The following RASL11B variants were observed in gnomAD, a reference collection of about 807,000 sequenced individuals.
The protein encoded by RASL11B is RAS like family 11 member B.
A neutral mutation model predicts 22.9 loss-of-function variants in RASL11B; 14 were observed. The ratio of observed to expected loss-of-function variants is 0.61; its 90% CI spans 0.40 to 0.96. The LOEUF is 0.96. Ranked by LOEUF, RASL11B falls within the 40% of genes least tolerant of loss-of-function variation. The pLI is 0.00. For synonymous variants in RASL11B, 143 were observed against 130.2 expected, an observed-to-expected ratio of 1.10 and a Z score of -0.67; for missense variants, 261 against 322.0, an observed-to-expected ratio of 0.81 and a Z score of 1.45.
chr4:52,862,352 G>C lies in RASL11B; in HGVS notation c.-156G>C, dbSNP rs971096155. On this transcript the variant is annotated 5_prime_UTR_variant, in exon 1 of 4. Coordinates refer to ENST00000248706, the MANE Select transcript of RASL11B (RefSeq NM_023940.3). Reference sequence around the variant, plus strand: ...TGGAGCCTGAGCCCTGCGGAACCTCGGCGCTCGGCCCCACCCCGCCCGTAC... The same window carrying C: ...TGGAGCCTGAGCCCTGCGGAACCTCCGCGCTCGGCCCCACCCCGCCCGTAC... 1.4e-6 allele frequency: 1 copy of C among 719,580 alleles called. No individual in the cohort carries two copies. Among genetic ancestry groups the C allele is most frequent in the Non-Finnish European group, 2.1e-6 (1 of 477,034 alleles). 44.6% of individuals were successfully genotyped at this position (719,580 alleles called of 1,614,324 possible).
Position 52,862,406 on chromosome 4 carries a change from A to T in RASL11B, c.-102A>T, listed in dbSNP as rs1577781944. 5.3e-6 allele frequency: 5 copies of T among 935,050 alleles called. No individual in the cohort carries two copies. Among genetic ancestry groups the T allele is most frequent in the Non-Finnish European group, 5.7e-6 (4 of 701,678 alleles). The allele number at this position is 935,050 out of a possible 1,614,324, so 57.9% of individuals were successfully genotyped here. A position where few individuals can be genotyped will look rare whatever the true frequency, so the allele number is the denominator to read the frequency against. On this transcript the variant is annotated 5_prime_UTR_variant, in exon 1 of 4. Coordinates refer to ENST00000248706, the MANE Select transcript of RASL11B (RefSeq NM_023940.3). ...CACTTATTTATTGTTGTTATTTCTT[A>T]CCGCGGAGCCCCGCAGTCGGGTCCT...
In RASL11B at chr4:52,862,600, C is replaced by T; in HGVS notation, c.93C>T (p.Arg31=). 6.3e-7 allele frequency: 1 copy of T among 1,598,756 alleles called. No homozygotes were observed. Among genetic ancestry groups the T allele is most frequent in the Non-Finnish European group, 8.5e-7 (1 of 1,176,314 alleles). The part of the protein sequence containing the change: ...ASDCCVGAAG[R]RLVKIAVVGA... The stretch of plus-strand genomic sequence containing the variant: ...ACTGCTGTGTGGGCGCCGCCGGCCG[C>T]CGCCTGGTCAAGATCGCCGTGGTGG... Residue 31 remains arginine (R), a synonymous_variant, in exon 1 of 4, where the codon CGC becomes CGT. Coordinates refer to ENST00000248706, the MANE Select transcript of RASL11B (RefSeq NM_023940.3).
Position 52,862,753 on chromosome 4 carries a change from C to T in RASL11B, c.142+104C>T. 9 of 1,322,538 alleles carry T rather than the reference C, an allele frequency of 6.8e-6. No homozygotes were observed. In the South Asian group the frequency reaches 1.2e-4, roughly 18 times the overall value. The allele number at this position is 1,322,538 out of a possible 1,614,324, so 81.9% of individuals were successfully genotyped here. Reference sequence around the variant, plus strand: ...CGGTGGGAGCTGCAGCCCGACCGCTCTCCGTCCCCGCGCAGGGAGCCGCTG... The same window carrying T: ...CGGTGGGAGCTGCAGCCCGACCGCTTTCCGTCCCCGCGCAGGGAGCCGCTG... On this transcript the variant is annotated intron_variant, in intron 1 of 3. Coordinates refer to ENST00000248706, the MANE Select transcript of RASL11B (RefSeq NM_023940.3).
chr4:52,865,481 G>T lies in RASL11B; in HGVS notation c.423G>T (p.Leu141=), dbSNP rs1718239350. 3.1e-6 allele frequency: 5 copies of T among 1,614,054 alleles called. No homozygotes were observed. The South Asian group carries it at 4.4e-5, about 14-fold the overall frequency. Residue 141 remains leucine, a synonymous_variant, in exon 4 of 4, where the codon CTG becomes CTT. Transcript: ENST00000248706. ...QLHQHVQQLH[L]GTRLPVVVVA... Reference sequence around the variant, plus strand: ...ACCAGCACGTGCAGCAGCTACACCTGGGCACCCGGCTGCCTGTGGTGGTCG... The same window carrying T: ...ACCAGCACGTGCAGCAGCTACACCTTGGCACCCGGCTGCCTGTGGTGGTCG...
In RASL11B at chr4:52,866,057, T is replaced by G; in HGVS notation, c.*252T>G. ...TGAAATGTACTCTGTGTCTTTTCCTTTAGAGTGGGGAGGGGGCATAATCGT... is the reference window on the plus strand; with the variant it reads ...TGAAATGTACTCTGTGTCTTTTCCTGTAGAGTGGGGAGGGGGCATAATCGT... On this transcript the variant is annotated 3_prime_UTR_variant, in exon 4 of 4. Coordinates refer to ENST00000248706, the MANE Select transcript of RASL11B (RefSeq NM_023940.3). The G allele has an allele frequency of 1.9e-6, 1 of 514,752 alleles. No homozygotes were observed. Among genetic ancestry groups the G allele is most frequent in the African/African-American group, 1.9e-5 (1 of 52,762 alleles). 31.9% of individuals were successfully genotyped at this position (514,752 alleles called of 1,614,324 possible).
rs1718221645 is a variant in RASL11B, at chr4:52,864,463, T to C, written c.200-15T>C. On this transcript the variant is annotated splice_polypyrimidine_tract_variant and intron_variant, in intron 2 of 3. Transcript: ENST00000248706. ...CAAGAAGGAAGAACATAATCTCTTT[T>C]ATTTGCCTTCATAGGTAATCTCTAT... 6.6e-7 allele frequency: 1 copy of C among 1,523,194 alleles called. No individual in the cohort carries two copies. Among genetic ancestry groups the C allele is most frequent in the Non-Finnish European group, 9.1e-7 (1 of 1,099,514 alleles). 94.4% of individuals were successfully genotyped at this position (1,523,194 alleles called of 1,614,324 possible).
rs1718236003 is a variant in RASL11B, at chr4:52,865,354, G to A, written c.296G>A (p.Ser99Asn). 1 of 1,610,490 alleles carries A rather than the reference G, an allele frequency of 6.2e-7. No homozygotes were observed. The highest frequency in any genetic ancestry group is 8.5e-7 in the Non-Finnish European group (1 of 1,177,048). Reference sequence around the variant, plus strand: ...TTTCAGGTCCATGAGAACAGCCTGAGCTGCAGTGAACAGCTGAATAGGTGC... The same window carrying A: ...TTTCAGGTCCATGAGAACAGCCTGAACTGCAGTGAACAGCTGAATAGGTGC... ...PGIQVHENSL[S>N]CSEQLNRCIR... The change falls in exon 4 of 4, where the codon AGC becomes AAC. Residue 99 changes from serine (S) to asparagine (N), a missense_variant. Coordinates refer to ENST00000248706, the MANE Select transcript of RASL11B (RefSeq NM_023940.3).
chr4:52,862,745 C>T (rs1442321595), intron 1 of RASL11B, 96 bp downstream of exon 1: 2 of 1,360,974 alleles, frequency 1.5e-6, no homozygotes, highest in Non-Finnish European at 1.9e-6. Context: ...AGCTGCAGCC[C>T]GACCGCTCTC....
At position 52,862,690 on chromosome 4, in the gene RASL11B, C is replaced by T. The variant is rs183109559; in HGVS notation, c.142+41C>T. 75 of 1,499,128 alleles carry T rather than the reference C, an allele frequency of 5.0e-5. No individual in the cohort carries two copies. The Admixed American group carries it at 1.6e-3, about 31-fold the overall frequency. The allele number at this position is 1,499,128 out of a possible 1,614,324, so 92.9% of individuals were successfully genotyped here. ...TAGCCCTGGGTCTGGTCTTGGACGA[C>T]CCCTGACGGGAGTTGAGGCTGAACA... is the stretch of plus-strand genomic sequence containing the variant. On this transcript the variant is annotated intron_variant, in intron 1 of 3. Coordinates refer to ENST00000248706, the MANE Select transcript of RASL11B (RefSeq NM_023940.3).
chr4:52,865,999 T>G lies in RASL11B; in HGVS notation c.*194T>G, dbSNP rs1718252733. 5 of 593,544 alleles carry G rather than the reference T, an allele frequency of 8.4e-6. No homozygotes were observed. 36.8% of individuals were successfully genotyped at this position (593,544 alleles called of 1,614,324 possible). ...GCAGGGGGACAGGATTGATGAGGCT[T>G]GAAAGAGCCCACTGAGCCACTCTCT... On this transcript the variant is annotated 3_prime_UTR_variant, in exon 4 of 4. Transcript: ENST00000248706.
chr4:52,862,349 C>G lies in RASL11B; in HGVS notation c.-159C>G, dbSNP rs1577781845. ...GTCTGGAGCCTGAGCCCTGCGGAACCTCGGCGCTCGGCCCCACCCCGCCCG... is the reference window on the plus strand; with the variant it reads ...GTCTGGAGCCTGAGCCCTGCGGAACGTCGGCGCTCGGCCCCACCCCGCCCG... On this transcript the variant is annotated 5_prime_UTR_variant, in exon 1 of 4. Transcript: ENST00000248706. 1.4e-6 allele frequency: 1 copy of G among 712,756 alleles called. No homozygotes were observed. The highest frequency in any genetic ancestry group is 2.1e-6 in the Non-Finnish European group (1 of 470,370). 44.2% of individuals were successfully genotyped at this position (712,756 alleles called of 1,614,324 possible).
chr4:52,862,386 A>G lies in RASL11B; in HGVS notation c.-122A>G, dbSNP rs756536422. On this transcript the variant is annotated 5_prime_UTR_variant, in exon 1 of 4. Coordinates refer to ENST00000248706, the MANE Select transcript of RASL11B (RefSeq NM_023940.3). ...CCCCACCCCGCCCGTACCTGCACTT[A>G]TTTATTGTTGTTATTTCTTACCGCG... The G allele has an allele frequency of 4.1e-4, 293 of 716,492 alleles. No individual in the cohort carries two copies. Among genetic ancestry groups the G allele is most frequent in the Admixed American group, 2.2e-3 (60 of 26,668 alleles). The allele number at this position is 716,492 out of a possible 1,614,324, so 44.4% of individuals were successfully genotyped here. A position where few individuals can be genotyped will look rare whatever the true frequency, so the allele number is the denominator to read the frequency against.
chr4:52,863,477 GCC>G, intron 2 of RASL11B, 153 bp downstream of exon 2: 1 of 650,738 alleles, frequency 1.5e-6, no homozygotes. Flanking sequence ...CCTCCATGGC[GCC>G]CCCCTCCCAT....
At chr4:52,863,575 A>C in intron 2 of RASL11B, 1 of 503,944 alleles carries the variant, frequency 2.0e-6, no homozygotes, top group South Asian at 2.5e-5. Context: ...TGTTTTAACT[A>C]TAGTGACCCC....
Position 52,866,029 on chromosome 4 carries a change from A to G in RASL11B, c.*224A>G, listed in dbSNP as rs1718253343. ...GAGCCCACTGAGCCACTCTCTGAAT[A>G]TGTGAAATGTACTCTGTGTCTTTTC... On this transcript the variant is annotated 3_prime_UTR_variant, in exon 4 of 4. Coordinates refer to ENST00000248706, the MANE Select transcript of RASL11B (RefSeq NM_023940.3). 2 of 568,260 alleles carry G rather than the reference A, an allele frequency of 3.5e-6. No homozygotes were observed. Among genetic ancestry groups the G allele is most frequent in the Non-Finnish European group, 6.3e-6 (2 of 318,812 alleles). 35.2% of individuals were successfully genotyped at this position (568,260 alleles called of 1,614,324 possible).
At position 52,862,506 on chromosome 4, in the gene RASL11B, C is replaced by A. The variant is rs112207297; in HGVS notation, c.-2C>A. On this transcript the variant is annotated 5_prime_UTR_variant, in exon 1 of 4. Coordinates refer to ENST00000248706, the MANE Select transcript of RASL11B (RefSeq NM_023940.3). The stretch of plus-strand genomic sequence containing the variant: ...CCCGCGCGGTGCGCCGCAGCCGAGG[C>A]GATGCGCCTCATTCAGAACATGTGC... The A allele has an allele frequency of 6.2e-7, 1 of 1,602,826 alleles. No individual in the cohort carries two copies. The highest frequency in any genetic ancestry group is 2.3e-5 in the East Asian group (1 of 43,744).
chr4:52,863,328 A>G lies in RASL11B; in HGVS notation c.199+4A>G. ...GGTGACTATGAAAGAAATGCAGGTG[A>G]GACAATGCATTTGAGAAAAATTCTG... On this transcript the variant is annotated splice_donor_region_variant and intron_variant, in intron 2 of 3. Coordinates refer to ENST00000248706, the MANE Select transcript of RASL11B (RefSeq NM_023940.3). The G allele has an allele frequency of 1.2e-6, 2 of 1,611,740 alleles. No homozygotes were observed. The highest frequency in any genetic ancestry group is 2.2e-5 in the East Asian group (1 of 44,862).
At position 52,866,478 on chromosome 4, in the gene RASL11B, C is replaced by T. The variant is rs1306635838; in HGVS notation, c.*673C>T. On this transcript the variant is annotated 3_prime_UTR_variant, in exon 4 of 4. Coordinates refer to ENST00000248706, the MANE Select transcript of RASL11B (RefSeq NM_023940.3). The stretch of plus-strand genomic sequence containing the variant: ...ACAGGAAGGCTCTGGTTCCCCCTCA[C>T]AGGATGAGCATGCTCAGTTGGGCGT... 1 of 152,436 alleles carries T rather than the reference C, an allele frequency of 6.6e-6. No individual in the cohort carries two copies. The allele number at this position is 152,436 out of a possible 1,614,324, so 9.4% of individuals were successfully genotyped here.
Position 52,865,358 on chromosome 4 carries a change from C to T in RASL11B, c.300C>T (p.Cys100=). The T allele has an allele frequency of 6.2e-7, 1 of 1,611,862 alleles. No individual in the cohort carries two copies. The highest frequency in any genetic ancestry group is 1.1e-5 in the South Asian group (1 of 90,912). ...AGGTCCATGAGAACAGCCTGAGCTG[C>T]AGTGAACAGCTGAATAGGTGCATTC... ...GIQVHENSLS[C]SEQLNRCIRW... Residue 100 remains cysteine, a synonymous_variant, in exon 4 of 4, where the codon TGC becomes TGT. Coordinates refer to ENST00000248706, the MANE Select transcript of RASL11B (RefSeq NM_023940.3).
Sources: gnomAD v4.1 joint callset for allele counts on GRCh38, gnomAD v4.1.1 for gene constraint, MANE v1.5 for transcripts, NCBI Gene and HGNC (gene_info 2026-07-23, HGNC 2026-07-21) for gene names.